Variants in USP10 observed in about 807,000 individuals in gnomAD.
USP10 encodes the protein ubiquitin specific peptidase 10.
Under a neutral mutation model 84.5 loss-of-function variants are expected in USP10, and 22 were observed. The observed-to-expected ratio is 0.26, with a 90% CI of 0.19 to 0.37. The LOEUF (loss-of-function observed/expected upper bound fraction) is 0.37, where lower values mean the gene tolerates loss of function less well. USP10 is among the 10% of genes least tolerant of loss of function. USP10 has a pLI of 1.00. For synonymous variants in USP10, 454 were observed against 387.6 expected (o/e 1.17, Z -2.01); for missense variants, 1,019 against 998.9 (o/e 1.02, Z -0.27).
At chr16:84,748,956 G>A (rs1425698446) in intron 4 of USP10, among the ~76,000 whole-genome samples, 1 of 152,302 alleles carries the variant, frequency 6.6e-6, no homozygotes, top group East Asian at 1.9e-4. Context: ...GGTTAGGTCA[G>A]TTATGAAGAT....
chr16:84,779,008 C>G lies in USP10; in HGVS notation c.2323C>G (p.Gln775Glu), dbSNP rs1324550917. 6.2e-7 allele frequency: 1 copy of G among 1,614,040 alleles called. No individual in the cohort carries two copies. The highest frequency in any genetic ancestry group is 2.2e-5 in the East Asian group (1 of 44,884). Residue 775 changes from glutamine (Q) to glutamate (E), a missense_variant, in exon 14 of 14, where the codon CAG becomes GAG. Gln to Glu is a conservative substitution (Grantham distance 29, BLOSUM62 2). Coordinates refer to ENST00000219473, the MANE Select transcript of USP10 (RefSeq NM_005153.3). ...TGACCAGACAGTCAAGGTGATCAAC[C>G]AGTACCAGGTGGTGAAACCAACTGC... Reference protein sequence around the residue: ...IDDQTVKVINQYQVVKPTAER... With the variant: ...IDDQTVKVINEYQVVKPTAER...
At chr16:84,750,267 A>G (rs12598223) in intron 4 of USP10, among the ~76,000 whole-genome samples, 35,377 of 151,884 alleles carry the variant, frequency 0.23, 4,403 homozygotes, top group East Asian at 0.37. Context: ...AATTAGATGG[A>G]CGTGGTGGCT....
intron 2 of USP10, among the ~76,000 whole-genome samples, chr16:84,738,052 G>C (rs1250749904): frequency 6.6e-6 from 1 of 151,974 alleles, no homozygotes; most frequent in African/African-American, 2.4e-5. Flanking sequence ...GTTGAGGAAG[G>C]GGACAGCCGG....
At chr16:84,707,571 T>C (rs1905700045) in intron 1 of USP10, among the ~76,000 whole-genome samples, 1 of 152,220 alleles carries the variant, frequency 6.6e-6, no homozygotes, top group East Asian at 1.9e-4. Flanking sequence ...CTGTTGTATC[T>C]AGTCACTGAA....
rs113929414 is a variant in USP10 at position 84,775,532 on chromosome 16, G to C, written c.2209+307G>C. Among the ~76,000 whole-genome samples the C allele has an allele frequency of 1.7e-3, 258 of 152,348 alleles. 1 individual carries two copies. The highest frequency in any genetic ancestry group is 6.0e-3 in the African/African-American group (250 of 41,588). ...TTTGAGAATGTGACCTCTCCCGGCT[G>C]TGCTTGTGGCACCTGTGGGTGACAG... On this transcript the variant is annotated intron_variant, in intron 13 of 13. Coordinates refer to ENST00000219473, the MANE Select transcript of USP10 (RefSeq NM_005153.3).
At position 84,779,259 on chromosome 16, in the gene USP10, C is replaced by CT; in HGVS notation, c.*178dup. The CT allele has an allele frequency of 5.1e-6, 3 of 590,604 alleles. No individual in the cohort carries two copies. Among genetic ancestry groups the CT allele is most frequent in the Non-Finnish European group, 8.4e-6 (3 of 357,080 alleles). 36.6% of individuals were successfully genotyped at this position (590,604 alleles called of 1,614,324 possible). On this transcript the variant is annotated 3_prime_UTR_variant, in exon 14 of 14. Transcript: ENST00000219473. Reference sequence around the variant, plus strand: ...GTGCACAACACAGCTTCTGTTGACTCTAACTTCCAAATCAAAATCATTTGG... The same window carrying CT: ...GTGCACAACACAGCTTCTGTTGACTCTTAACTTCCAAATCAAAATCATTTGG...
chr16:84,747,514 C>T (rs542555602), intron 4 of USP10, among the ~76,000 whole-genome samples: 2 of 142,324 alleles, frequency 1.4e-5, no homozygotes, highest in South Asian at 4.4e-4. Flanking sequence ...GGCCAGACGT[C>T]GTTATTTTGG....
rs139905467 is a variant in USP10 at position 84,756,462 on chromosome 16, G to A, written c.1193-2254G>A. Among the ~76,000 whole-genome samples the A allele has an allele frequency of 4.0e-3, 614 of 152,180 alleles. 5 individuals carry two copies. Among genetic ancestry groups the A allele is most frequent in the African/African-American group, 0.014 (592 of 41,496 alleles). On this transcript the variant is annotated intron_variant, in intron 4 of 13. Transcript: ENST00000219473. ...ACAAAAATTAGCCGGGCGTGGTGGTGCACGTCTGTAATCCCAGCTACATGG... is the reference window on the plus strand; with the variant it reads ...ACAAAAATTAGCCGGGCGTGGTGGTACACGTCTGTAATCCCAGCTACATGG...
At chr16:84,752,594 A>C (rs955000712) in intron 4 of USP10, among the ~76,000 whole-genome samples, 27 of 152,230 alleles carry the variant, frequency 1.8e-4, no homozygotes, top group Non-Finnish European at 3.1e-4. Flanking sequence ...GTGATATTAG[A>C]AATTTGGAAG....
At chr16:84,757,402 G>GGGTGT (rs1912701298) in intron 4 of USP10, among the ~76,000 whole-genome samples, 18 of 82,860 alleles carry the variant, frequency 2.2e-4, no homozygotes, top group East Asian at 1.4e-3. Context: ...GAGGGGTGGG[G>GGGTGT]GTGTGTGTGT....
At chr16:84,718,763 CA>C (rs1320385583) in intron 1 of USP10, among the ~76,000 whole-genome samples, 3 of 148,826 alleles carry the variant, frequency 2.0e-5, no homozygotes, top group Non-Finnish European at 3.0e-5. Flanking sequence ...GACAAAAAAA[CA>C]AAAAAAAAGT....
chr16:84,712,635 T>C (rs1906465321), intron 1 of USP10, among the ~76,000 whole-genome samples: 2 of 152,194 alleles, frequency 1.3e-5, no homozygotes, highest in Admixed American at 1.3e-4. Context: ...TTGCCGTCTA[T>C]AGAAATAGTA....
chr16:84,767,738 G>A (rs1418385510), intron 10 of USP10, among the ~76,000 whole-genome samples: 1 of 152,132 alleles, frequency 6.6e-6, no homozygotes, highest in Non-Finnish European at 1.5e-5. Context: ...TTAGTTGTTA[G>A]AAATACTAAG....
chr16:84,754,005 A>G (rs1318885716), intron 4 of USP10, among the ~76,000 whole-genome samples: 1 of 152,202 alleles, frequency 6.6e-6, no homozygotes, highest in Non-Finnish European at 1.5e-5. Flanking sequence ...TGGCAGTAAC[A>G]GGCTGAGGAC....
chr16:84,730,567 C>G (rs1448514111), intron 1 of USP10, among the ~76,000 whole-genome samples: 3 of 152,148 alleles, frequency 2.0e-5, no homozygotes, highest in South Asian at 2.1e-4. Flanking sequence ...CAGCTCATGA[C>G]TTGAGGGTGT....
chr16:84,724,073 A>G (rs1908148273), intron 1 of USP10, among the ~76,000 whole-genome samples: 1 of 152,170 alleles, frequency 6.6e-6, no homozygotes, highest in African/African-American at 2.4e-5. Context: ...TTACTCCCTA[A>G]TTTATCTGCT....
intron 3 of USP10, among the ~76,000 whole-genome samples, chr16:84,744,112 A>G (rs1179182329): frequency 1.3e-5 from 2 of 150,950 alleles, no homozygotes; most frequent in Non-Finnish European, 3.0e-5. Context: ...TTAAATTTAT[A>G]CTTTCTAATT....
intron 4 of USP10, among the ~76,000 whole-genome samples, chr16:84,752,334 G>A (rs1175987397): frequency 6.6e-6 from 1 of 152,176 alleles, no homozygotes; most frequent in East Asian, 1.9e-4. Context: ...TCTGGGGAAA[G>A]TTTGTTATTA....
At chr16:84,722,674 G>A (rs1907965066) in intron 1 of USP10, among the ~76,000 whole-genome samples, 1 of 151,974 alleles carries the variant, frequency 6.6e-6, no homozygotes, top group African/African-American at 2.4e-5. Context: ...CAGTTCTCCT[G>A]CTAGCCTCCC....
Sources: gnomAD v4.1 joint callset for allele counts (sites outside exome capture counted in the v4.1 genomes callset) on GRCh38, gnomAD v4.1.1 for gene constraint, MANE v1.5 for transcripts, NCBI Gene and HGNC (gene_info 2026-07-23, HGNC 2026-07-21) for gene names.